KCNG3: variants seen among roughly 807,000 people sequenced by gnomAD.
The protein encoded by KCNG3 is potassium voltage-gated channel modifier subfamily G member 3.
Under a neutral mutation model 29.0 loss-of-function variants are expected in KCNG3, and 15 were observed. The ratio of observed to expected loss-of-function variants is 0.52; its 90% CI spans 0.35 to 0.80. KCNG3 has a LOEUF of 0.80. Ranked by LOEUF, KCNG3 falls within the 30% of genes least tolerant of loss-of-function variation. KCNG3 has a pLI of 0.01. For synonymous variants in KCNG3, 322 were observed against 248.9 expected (o/e 1.29, Z -2.76); for missense variants, 512 against 605.7 (o/e 0.85, Z 1.62).
chr2:42,432,036 C>CAAA, the KCNG3 span, among the ~76,000 whole-genome samples: 348 of 113,618 alleles, frequency 3.1e-3, 1 homozygote, highest in South Asian at 4.1e-3. Flanking sequence ...AAGACTCTAT[C>CAAA]AAAAAAAAAA....
At chr2:42,460,260 A>G (rs913430977) in intron 1 of KCNG3, among the ~76,000 whole-genome samples, 17 of 151,930 alleles carry the variant, frequency 1.1e-4, no homozygotes, top group African/African-American at 4.1e-4. Flanking sequence ...AGAAGGTGGG[A>G]GAATTGCCTG....
the KCNG3 span, among the ~76,000 whole-genome samples, chr2:42,408,235 G>A: frequency 6.6e-6 from 1 of 152,220 alleles, no homozygotes; most frequent in African/African-American, 2.4e-5. Flanking sequence ...AGGCTCCTGG[G>A]CGTAAGAGGG....
chr2:42,434,666 CAAAAAAAAAAAA>C, the KCNG3 span, among the ~76,000 whole-genome samples: 12 of 64,696 alleles, frequency 1.9e-4, no homozygotes, highest in South Asian at 7.9e-4. Flanking sequence ...AACTCCATCT[CAAAAAAAAAAAA>C]AAAAAAAAAA....
At chr2:42,456,592 A>C (rs958075929) in intron 1 of KCNG3, among the ~76,000 whole-genome samples, 1 of 152,180 alleles carries the variant, frequency 6.6e-6, no homozygotes, top group Non-Finnish European at 1.5e-5. Flanking sequence ...TATTTACAAA[A>C]GGAGTTCAGT....
intron 1 of KCNG3, among the ~76,000 whole-genome samples, chr2:42,452,720 A>G (rs558435658): frequency 2.2e-4 from 33 of 152,228 alleles, no homozygotes; most frequent in Non-Finnish European, 3.5e-4. Context: ...TTATGGCTGA[A>G]TAGTACTCCA....
chr2:42,409,480 G>T, the KCNG3 span, among the ~76,000 whole-genome samples: 2 of 151,916 alleles, frequency 1.3e-5, no homozygotes, highest in Non-Finnish European at 2.9e-5. Flanking sequence ...GAGGCATGAG[G>T]ATTGCTTGAG....
chr2:42,464,481 GCAGTACTAAA>G (rs1299847327), intron 1 of KCNG3, among the ~76,000 whole-genome samples: 2 of 152,090 alleles, frequency 1.3e-5, no homozygotes, highest in African/African-American at 4.8e-5. Flanking sequence ...AAAAACATTC[GCAGTACTAAA>G]AGCAGCAATA....
At chr2:42,430,088 C>A in the KCNG3 span, among the ~76,000 whole-genome samples, 1 of 152,114 alleles carries the variant, frequency 6.6e-6, no homozygotes, top group Non-Finnish European at 1.5e-5. Flanking sequence ...ACTAGGGGGG[C>A]GGACATGGTA....
At chr2:42,485,737 C>T (rs1057184508) in intron 1 of KCNG3, among the ~76,000 whole-genome samples, 2 of 152,124 alleles carry the variant, frequency 1.3e-5, no homozygotes, top group African/African-American at 4.8e-5. Flanking sequence ...CATGAGCCAC[C>T]GTGCCCGGCA....
intron 1 of KCNG3, chr2:42,470,284 C>A (rs562983708): frequency 2.6e-5 from 9 of 351,880 alleles, no homozygotes; most frequent in Non-Finnish European, 5.0e-5. Flanking sequence ...TATGTACTCA[C>A]GCAATAAAAT....
the KCNG3 span, among the ~76,000 whole-genome samples, chr2:42,421,014 G>A: frequency 6.6e-6 from 1 of 152,154 alleles, no homozygotes; most frequent in East Asian, 1.9e-4. Flanking sequence ...GAGTAAGAAT[G>A]ACTCACCATA....
chr2:42,400,146 C>T, the KCNG3 span, among the ~76,000 whole-genome samples: 1 of 152,170 alleles, frequency 6.6e-6, no homozygotes, highest in Non-Finnish European at 1.5e-5. Flanking sequence ...AGAGGGCTGG[C>T]ATGGGTGGTC....
intron 1 of KCNG3, chr2:42,463,257 C>A (rs1014631360): frequency 3.2e-6 from 1 of 311,122 alleles, no homozygotes; most frequent in Non-Finnish European, 6.1e-6. Context: ...GTACCCTAAA[C>A]CTATCAGGCT....
intron 1 of KCNG3, among the ~76,000 whole-genome samples, chr2:42,450,191 G>T (rs1020204506): frequency 6.6e-6 from 1 of 152,176 alleles, no homozygotes; most frequent in African/African-American, 2.4e-5. Flanking sequence ...AAATGGTGTG[G>T]AATAATCTCT....
At chr2:42,452,481 T>C (rs975730094) in intron 1 of KCNG3, among the ~76,000 whole-genome samples, 2 of 151,866 alleles carry the variant, frequency 1.3e-5, no homozygotes, top group African/African-American at 2.4e-5. Context: ...TCTAACTATT[T>C]TTTTTTTAAC....
At chr2:42,447,923 C>T (rs748609525) in intron 1 of KCNG3, among the ~76,000 whole-genome samples, 9 of 152,122 alleles carry the variant, frequency 5.9e-5, no homozygotes, top group African/African-American at 1.7e-4. Context: ...AGAGAAGATA[C>T]ATATGTATTT....
the KCNG3 span, among the ~76,000 whole-genome samples, chr2:42,421,108 G>A: frequency 6.6e-6 from 1 of 152,156 alleles, no homozygotes; most frequent in Admixed American, 6.5e-5. Context: ...TTTTTGAGAT[G>A]TTTTATCTTG....
the KCNG3 span, among the ~76,000 whole-genome samples, chr2:42,422,308 C>A: frequency 5.9e-5 from 9 of 152,048 alleles, no homozygotes; most frequent in African/African-American, 2.2e-4. Context: ...AAAGGATGAG[C>A]TTGGCTTCTC....
At position 42,479,344 on chromosome 2, in the gene KCNG3, G is replaced by A. The variant is rs370302692; in HGVS notation, c.665+13493C>T. Among the ~76,000 whole-genome samples, 4 of 152,000 alleles carry A rather than the reference G, an allele frequency of 2.6e-5. No homozygotes were observed. The East Asian group carries it at 5.8e-4, about 22-fold the overall frequency. The stretch of plus-strand genomic sequence containing the variant: ...AAGGTGGAGCTCAAGCATGAATATC[G>A]TCATATAAAAGTGGAATAGCCAGGC... On this transcript the variant is annotated intron_variant, in intron 1 of 1. Transcript: ENST00000306078.
Sources: allele counts gnomAD v4.1 joint callset (sites outside exome capture counted in the v4.1 genomes callset), GRCh38; gene constraint gnomAD v4.1.1; transcripts MANE v1.5; gene names NCBI Gene and HGNC (gene_info 2026-07-23, HGNC 2026-07-21).